ITPKB: variants seen among roughly 807,000 people sequenced by gnomAD.
The protein encoded by ITPKB is IP3 3-kinase B.
In ITPKB, 13 loss-of-function variants were observed where a neutral mutation model predicts 69.4. The ratio of observed to expected loss-of-function variants is 0.19; its 90% CI spans 0.12 to 0.30. The LOEUF (loss-of-function observed/expected upper bound fraction) is 0.30. ITPKB is among the 10% of genes least tolerant of loss of function. The pLI, the probability that ITPKB is intolerant of heterozygous loss-of-function variation, is 1.00. For missense variants in ITPKB, 1,240 were observed against 1,250.5 expected, an observed-to-expected ratio of 0.99 and a Z score of 0.13; for synonymous variants, 584 against 513.7, an observed-to-expected ratio of 1.14 and a Z score of -1.85.
intron 2 of ITPKB, among the ~76,000 whole-genome samples, chr1:226,672,776 A>G (rs1669642305): frequency 6.6e-6 from 1 of 152,206 alleles, no homozygotes; most frequent in African/African-American, 2.4e-5. Flanking sequence ...GAAGAAATCT[A>G]TCTCCTGGGA....
chr1:226,647,436 C>T (rs1341779940), intron 3 of ITPKB, 56 bp from the exon 4 acceptor site: 4 of 1,330,254 alleles, frequency 3.0e-6, no homozygotes, highest in Admixed American at 1.9e-5. Flanking sequence ...CTGGCAGAGG[C>T]ACCCTCCCCA....
At chr1:226,698,416 T>G (rs1240120217) in intron 2 of ITPKB, among the ~76,000 whole-genome samples, 1 of 152,164 alleles carries the variant, frequency 6.6e-6, no homozygotes, top group East Asian at 1.9e-4. Flanking sequence ...CTGGGCCAAT[T>G]AGAGGAGGAC....
At chr1:226,718,990 C>A (rs573442717) in intron 2 of ITPKB, among the ~76,000 whole-genome samples, 1 of 152,070 alleles carries the variant, frequency 6.6e-6, no homozygotes, top group Non-Finnish European at 1.5e-5. Context: ...AAAAGTGAAT[C>A]GGGGGCCGGC....
chr1:226,664,081 C>T (rs989703282), intron 2 of ITPKB, among the ~76,000 whole-genome samples: 1 of 152,268 alleles, frequency 6.6e-6, no homozygotes, highest in Admixed American at 6.5e-5. Flanking sequence ...ACAAAAGTCA[C>T]TCTCTTGCCT....
At position 226,634,470 on chromosome 1, in the gene ITPKB, C is replaced by G; in HGVS notation, c.*201G>C. 1.7e-6 allele frequency: 1 copy of G among 582,404 alleles called. No homozygotes were observed. The highest frequency in any genetic ancestry group is 3.1e-6 in the Non-Finnish European group (1 of 325,452). 36.1% of individuals were successfully genotyped at this position (582,404 alleles called of 1,614,324 possible). A position where few individuals can be genotyped will look rare whatever the true frequency, so the allele number is the denominator to read the frequency against. On this transcript the variant is annotated 3_prime_UTR_variant, in exon 8 of 8. Transcript: ENST00000429204. This position sits in a 1 kb window ranked among gnomAD's most constrained non-coding sequence, Gnocchi z 6.3. ...CTCTTCTAGTAGGTGACCCTCTCTA[C>G]AAAAAGCAGTGCAAACACCACCTCC...
At chr1:226,696,807 A>T (rs988686521) in intron 2 of ITPKB, among the ~76,000 whole-genome samples, 2 of 152,194 alleles carry the variant, frequency 1.3e-5, no homozygotes, top group Admixed American at 1.3e-4. Context: ...GACACTGCAG[A>T]GGTGATGTAG....
intron 4 of ITPKB, among the ~76,000 whole-genome samples, chr1:226,645,674 A>G (rs1669046381): frequency 6.6e-6 from 1 of 152,262 alleles, no homozygotes; most frequent in Admixed American, 6.5e-5. Context: ...GAGAGGACAC[A>G]TTCTGGTGCA....
intron 2 of ITPKB, among the ~76,000 whole-genome samples, chr1:226,720,607 A>G (rs1474157790): frequency 2.6e-5 from 4 of 152,226 alleles, no homozygotes; most frequent in East Asian, 3.8e-4. Context: ...TGCCTGGCAC[A>G]TAATAGGCAC....
At position 226,737,355 on chromosome 1, in the gene ITPKB, G is replaced by A; in HGVS notation, c.104C>T (p.Pro35Leu). 1 of 1,605,650 alleles carries A rather than the reference G, an allele frequency of 6.2e-7. No homozygotes were observed. Among genetic ancestry groups the A allele is most frequent in the Non-Finnish European group, 8.5e-7 (1 of 1,178,538 alleles). Residue 35 changes from proline to leucine, a missense_variant, in exon 2 of 8, where the codon CCG becomes CTG. By Grantham distance (98) the Pro-to-Leu change is moderately conservative (BLOSUM62 -3). This residue lies in a region of ITPKB where 992 missense variants were observed against 853.8 expected (regional missense o/e 1.16). Transcript: ENST00000429204. ...GPGPSGSETP[P>L]PPRRAVLSPG... Reference sequence around the variant, plus strand: ...GCTCAGCACTGCCCTCCTCGGGGGCGGGGGCGTCTCGCTGCCACTGGGCCC... The same window carrying A: ...GCTCAGCACTGCCCTCCTCGGGGGCAGGGGCGTCTCGCTGCCACTGGGCCC...
chr1:226,693,343 G>A (rs1182507853), intron 2 of ITPKB, among the ~76,000 whole-genome samples: 5 of 152,194 alleles, frequency 3.3e-5, no homozygotes, highest in Admixed American at 6.5e-5. Flanking sequence ...GCTGTCGAGC[G>A]ATGATGGGCA....
At chr1:226,662,249 C>A (rs1669416508) in intron 2 of ITPKB, among the ~76,000 whole-genome samples, 1 of 152,206 alleles carries the variant, frequency 6.6e-6, no homozygotes, top group African/African-American at 2.4e-5. Flanking sequence ...CTTCTTCATC[C>A]CATGCTGGAG....
intron 7 of ITPKB, among the ~76,000 whole-genome samples, chr1:226,636,913 ATG>A (rs925473441): frequency 6.6e-6 from 1 of 151,912 alleles, no homozygotes; most frequent in African/African-American, 2.4e-5. Context: ...TGCTGTATGA[ATG>A]TGTGTGCATG....
At chr1:226,703,024 T>C (rs558204153) in intron 2 of ITPKB, among the ~76,000 whole-genome samples, 1 of 152,294 alleles carries the variant, frequency 6.6e-6, no homozygotes, top group South Asian at 2.1e-4. Flanking sequence ...CTAAACCAAA[T>C]ATGCCCTGTG....
intron 2 of ITPKB, among the ~76,000 whole-genome samples, chr1:226,708,573 T>C (rs1275162151): frequency 1.3e-5 from 2 of 152,128 alleles, no homozygotes; most frequent in Non-Finnish European, 2.9e-5. Context: ...CCCTTTTTCC[T>C]CCAAGGGATA....
intron 4 of ITPKB, among the ~76,000 whole-genome samples, chr1:226,643,899 C>A (rs1669012560): frequency 6.6e-6 from 1 of 152,232 alleles, no homozygotes; most frequent in Admixed American, 6.5e-5. Flanking sequence ...GCAGGACACG[C>A]ACAGAGCACA....
chr1:226,636,867 ATG>A (rs1339770664), intron 7 of ITPKB, among the ~76,000 whole-genome samples: 7 of 151,852 alleles, frequency 4.6e-5, no homozygotes, highest in Admixed American at 3.3e-4. Flanking sequence ...ATATGAATAC[ATG>A]TGTGTGTTTG....
At chr1:226,665,013 G>A (rs1444103832) in intron 2 of ITPKB, among the ~76,000 whole-genome samples, 2 of 152,196 alleles carry the variant, frequency 1.3e-5, no homozygotes, top group African/African-American at 2.4e-5. Flanking sequence ...TAGCAGCCAG[G>A]TGATATAGGG....
intron 2 of ITPKB, chr1:226,669,097 T>C (rs1475858467): frequency 1.3e-5 from 2 of 152,218 alleles, no homozygotes; most frequent in East Asian, 3.8e-4. Context: ...ATTTTGTTAC[T>C]ATAGAAGAGG....
intron 7 of ITPKB, among the ~76,000 whole-genome samples, chr1:226,636,797 A>T (rs1303695817): frequency 8.2e-5 from 10 of 122,038 alleles, no homozygotes; most frequent in South Asian, 2.5e-4. Flanking sequence ...TGTGTGTGAG[A>T]CTGGGAAAGG....
Sources: allele counts gnomAD v4.1 joint callset (sites outside exome capture counted in the v4.1 genomes callset), GRCh38; gene constraint gnomAD v4.1.1; regional missense constraint gnomAD v4.1.1; non-coding constraint Gnocchi (gnomAD v3.1); transcripts MANE v1.5; gene names NCBI Gene and HGNC (gene_info 2026-07-23, HGNC 2026-07-21).